LPIN2: variants seen among roughly 807,000 people sequenced by gnomAD.
The protein encoded by LPIN2 is phosphatidate phosphatase LPIN2.
A neutral mutation model predicts 111.4 loss-of-function variants in LPIN2; 55 were observed. The observed-to-expected ratio is 0.49, with a 90% CI of 0.40 to 0.62. The LOEUF (loss-of-function observed/expected upper bound fraction) is 0.62, where lower values mean the gene tolerates loss of function less well. Among genes scored for constraint, LPIN2 ranks in the 20% least tolerant of loss-of-function variants. The pLI is 0.00. For missense variants in LPIN2, 992 were observed against 1,112.1 expected (o/e 0.89, Z 1.54); for synonymous variants, 425 against 414.0 (o/e 1.03, Z -0.32).
intron 18 of LPIN2, 35 bp from the exon 19 acceptor site, chr18:2,920,916 G>T (rs778695460): frequency 7.0e-7 from 1 of 1,432,994 alleles, no homozygotes; most frequent in Non-Finnish European, 9.9e-7. Flanking sequence ...TGATTCCAGG[G>T]AGGAGAATTC....
intron 15 of LPIN2, 47 bp downstream of exon 15, chr18:2,924,351 T>C: frequency 6.2e-7 from 1 of 1,612,902 alleles, no homozygotes; most frequent in Non-Finnish European, 8.5e-7. Context: ...TGCCCCTCCC[T>C]GAGCACGGGG....
intron 11 of LPIN2, 29 bp from the exon 12 acceptor site, chr18:2,927,840 G>A (rs372028350): frequency 9.4e-6 from 15 of 1,595,004 alleles, no homozygotes; most frequent in Non-Finnish European, 1.3e-5. Flanking sequence ...GGTTAGTCTG[G>A]GCAATCTACT....
At chr18:2,977,928 T>C (rs1263512632) in intron 1 of LPIN2, among the ~76,000 whole-genome samples, 1 of 152,152 alleles carries the variant, frequency 6.6e-6, no homozygotes, top group East Asian at 1.9e-4. Context: ...CTCGGTGGTT[T>C]ACACCTGTAA....
intron 1 of LPIN2, among the ~76,000 whole-genome samples, chr18:2,986,547 T>TGGAA (rs10692682): frequency 1.5e-5 from 2 of 135,044 alleles, no homozygotes; most frequent in East Asian, 4.3e-4. Context: ...TTTTTTAATG[T>TGGAA]AAAAAAAAAA....
intron 1 of LPIN2, among the ~76,000 whole-genome samples, chr18:2,993,024 A>C (rs1215609265): frequency 6.6e-6 from 1 of 151,592 alleles, no homozygotes; most frequent in East Asian, 1.9e-4. Flanking sequence ...GTGGTGGTGT[A>C]CATCTGTAGT....
Position 2,940,593 on chromosome 18 carries a change from A to G in LPIN2, c.698+12T>C, listed in dbSNP as rs752885442. 1.9e-6 allele frequency: 3 copies of G among 1,543,638 alleles called. No individual in the cohort carries two copies. Among genetic ancestry groups the G allele is most frequent in the Non-Finnish European group, 8.9e-7 (1 of 1,117,376 alleles). The stretch of plus-strand genomic sequence containing the variant: ...CTCTTTCAAGAAACCAAGAAATTTC[A>G]AAGATACTTACGTCTCTAAAGGGGA... On this transcript the variant is annotated intron_variant, in intron 5 of 19. Transcript: ENST00000677752.
At position 2,989,169 on chromosome 18, in the gene LPIN2, T is replaced by C. The variant is rs781577204; in HGVS notation, c.-10+23918A>G. Among the ~76,000 whole-genome samples the C allele has an allele frequency of 1.9e-4, 29 of 152,178 alleles. No homozygotes were observed. The East Asian group carries it at 2.1e-3, about 11-fold the overall frequency. ...GAAGAAATGGAGGTTTAGAGAGAGG[T>C]TATGTTAAATATCCAAGGACAAACC... On this transcript the variant is annotated intron_variant, in intron 1 of 19. Transcript: ENST00000677752.
intron 1 of LPIN2, among the ~76,000 whole-genome samples, chr18:3,008,879 G>GTTTTTTT (rs76748358): frequency 8.1e-6 from 1 of 123,290 alleles, no homozygotes; most frequent in African/African-American, 3.2e-5. Context: ...CCACAGCTGT[G>GTTTTTTT]TTTTTTTTTT....
At chr18:2,976,042 G>A (rs1009347741) in intron 1 of LPIN2, among the ~76,000 whole-genome samples, 4 of 152,152 alleles carry the variant, frequency 2.6e-5, no homozygotes, top group African/African-American at 9.7e-5. Context: ...CCCCAGACTG[G>A]AAACAAAGTA....
At chr18:3,011,960 C>T (rs1778131227) in intron 1 of LPIN2, 1 of 152,202 alleles carries the variant, frequency 6.6e-6, no homozygotes, top group Non-Finnish European at 1.5e-5. Flanking sequence ...TCTGAAGCCA[C>T]TAAGAACGAT....
At position 2,951,236 on chromosome 18, in the gene LPIN2, T is replaced by C. The variant is rs1230123092; in HGVS notation, c.409A>G (p.Ile137Val). The C allele has an allele frequency of 6.2e-7, 1 of 1,614,174 alleles. No individual in the cohort carries two copies. The highest frequency in any genetic ancestry group is 8.5e-7 in the Non-Finnish European group (1 of 1,180,024). Residue 137 changes from isoleucine (I) to valine (V), a missense_variant, in exon 4 of 20, where the codon ATC (isoleucine) becomes GTC (valine). Around this residue, in one of 4 missense-constraint regions of LPIN2, gnomAD observed 709 missense variants for 753.2 expected, o/e 0.94. Transcript: ENST00000677752. ...GTCTCTGTTTCCAAGACGTGTGAGATGTCTGAACTCTGAGATGGTGTTTCA... is the reference window on the plus strand; with the variant it reads ...GTCTCTGTTTCCAAGACGTGTGAGACGTCTGAACTCTGAGATGGTGTTTCA... ...GDETPSQSSD[I>V]SHVLETETIF...
intron 1 of LPIN2, among the ~76,000 whole-genome samples, chr18:2,992,473 T>C (rs2143430599): frequency 6.6e-6 from 1 of 152,312 alleles, no homozygotes; most frequent in South Asian, 2.1e-4. Flanking sequence ...GAAATAGCAG[T>C]GATGGTTGTA....
chr18:2,938,510 C>T (rs570837966), intron 6 of LPIN2, among the ~76,000 whole-genome samples: 1 of 151,900 alleles, frequency 6.6e-6, no homozygotes, highest in Admixed American at 6.6e-5. Context: ...GGTGACAGAG[C>T]AAGACTTTAT....
intron 3 of LPIN2, among the ~76,000 whole-genome samples, chr18:2,953,317 T>C (rs1048015903): frequency 2.0e-5 from 3 of 152,192 alleles, no homozygotes; most frequent in Admixed American, 1.3e-4. Flanking sequence ...TTCAGTGTTA[T>C]GAATTATAAA....
chr18:3,007,013 A>C (rs944495908), intron 1 of LPIN2, among the ~76,000 whole-genome samples: 2 of 150,302 alleles, frequency 1.3e-5, no homozygotes, highest in African/African-American at 5.0e-5. Context: ...AAAAAAAAAA[A>C]AACAGCATTT....
At chr18:2,923,238 T>C (rs916826851) in intron 16 of LPIN2, among the ~76,000 whole-genome samples, 1 of 151,884 alleles carries the variant, frequency 6.6e-6, no homozygotes, top group East Asian at 1.9e-4. Context: ...CTGACCAACA[T>C]GATGAAACCC....
intron 4 of LPIN2, among the ~76,000 whole-genome samples, chr18:2,947,252 T>A (rs183325128): frequency 2.0e-5 from 3 of 152,322 alleles, no homozygotes; most frequent in Admixed American, 6.5e-5. Flanking sequence ...CGGTGGCATG[T>A]TTCATATATT....
At chr18:2,921,179 C>G in intron 18 of LPIN2, 1 of 552,170 alleles carries the variant, frequency 1.8e-6, no homozygotes, top group Non-Finnish European at 3.2e-6. Flanking sequence ...AGAAGGGAGG[C>G]AGGTTGGGAA....
intron 1 of LPIN2, among the ~76,000 whole-genome samples, chr18:3,008,880 T>TG (rs1283155875): frequency 4.5e-4 from 41 of 90,914 alleles, no homozygotes; most frequent in South Asian, 3.4e-3. Flanking sequence ...CACAGCTGTG[T>TG]TTTTTTTTTT....
Sources: gnomAD v4.1 joint callset for allele counts (sites outside exome capture counted in the v4.1 genomes callset) on GRCh38, gnomAD v4.1.1 for gene constraint, gnomAD v4.1.1 regional missense constraint, MANE v1.5 for transcripts, NCBI Gene and HGNC (gene_info 2026-07-23, HGNC 2026-07-21) for gene names.